The following TUBA1C variants were observed in gnomAD, a reference collection of about 807,000 sequenced individuals.
TUBA1C encodes tubulin alpha 1c.
Under a neutral mutation model 34.9 loss-of-function variants are expected in TUBA1C, and 16 were observed. The observed-to-expected ratio is 0.46, with a 90% CI of 0.31 to 0.70. The LOEUF (loss-of-function observed/expected upper bound fraction) is 0.70. Ranked by LOEUF, TUBA1C falls within the 30% of genes least tolerant of loss-of-function variation. TUBA1C has a pLI of 0.05. For missense variants in TUBA1C, 329 were observed against 587.3 expected, an observed-to-expected ratio of 0.56 and a Z score of 4.55; for synonymous variants, 177 against 215.9, an observed-to-expected ratio of 0.82 and a Z score of 1.58.
intron 3 of TUBA1C, 152 bp from the exon 4 acceptor site, chr12:49,272,101 T>TTGGGGC: frequency 7.3e-7 from 1 of 1,365,926 alleles, no homozygotes; most frequent in Non-Finnish European, 9.8e-7. Flanking sequence ...AAGTGTTGAT[T>TTGGGGC]ACAGGCGTGA....
intron 1 of TUBA1C, among the ~76,000 whole-genome samples, chr12:49,240,762 T>A (rs12305752): frequency 0.016 from 2,392 of 152,158 alleles, 75 homozygotes; most frequent in African/African-American, 0.054. Context: ...TAATTTTTTT[T>A]ATTATTATTT....
intron 1 of TUBA1C, among the ~76,000 whole-genome samples, chr12:49,240,036 AC>A (rs1942596540): frequency 3.1e-4 from 1 of 3,230 alleles, no homozygotes; most frequent in Non-Finnish European, 7.7e-4. Flanking sequence ...CAGAGCACAG[AC>A]ACACACACAC....
intron 3 of TUBA1C, among the ~76,000 whole-genome samples, chr12:49,271,846 CA>C (rs1431185735): frequency 6.6e-6 from 1 of 152,254 alleles, no homozygotes; most frequent in African/African-American, 2.4e-5. Context: ...GCCCTGTATG[CA>C]AGCCCAGGCC....
upstream of TUBA1C, among the ~76,000 whole-genome samples, chr12:49,261,208 C>A (rs1481217609): frequency 6.7e-6 from 1 of 149,638 alleles, no homozygotes; most frequent in Non-Finnish European, 1.5e-5. Context: ...CCAGCCTGGG[C>A]AACACAGCGA....
chr12:49,245,845 T>C (rs1020980050), intron 1 of TUBA1C, among the ~76,000 whole-genome samples: 2 of 152,234 alleles, frequency 1.3e-5, no homozygotes, highest in African/African-American at 4.8e-5. Context: ...AGCATCTTCC[T>C]GTCTAAACTT....
chr12:49,270,204 C>G (rs753804628), intron 3 of TUBA1C: 1 of 853,798 alleles, frequency 1.2e-6, no homozygotes, highest in Non-Finnish European at 1.8e-6. Flanking sequence ...AGCTGAGACA[C>G]CCCTTTTGAG....
chr12:49,269,589 G>T lies in TUBA1C; in HGVS notation c.128G>T (p.Gly43Val), dbSNP rs139215369. ...DGQMPSDKTI[G>V]GGDDSFNTFF... ...CAGATGCCAAGTGACAAGACCATTGGGGGAGGAGATGATTCCTTCAACACC... is the reference window on the plus strand; with the variant it reads ...CAGATGCCAAGTGACAAGACCATTGTGGGAGGAGATGATTCCTTCAACACC... Residue 43 changes from glycine to valine, a missense_variant, in exon 2 of 4, where the codon GGG becomes GTG. Gly to Val is a moderately radical substitution (Grantham distance 109). Around this residue, in one of 4 missense-constraint regions of TUBA1C, gnomAD observed 152 missense variants for 240.3 expected, o/e 0.63. Coordinates refer to ENST00000301072, the MANE Select transcript of TUBA1C (RefSeq NM_032704.5). The T allele has an allele frequency of 1.7e-5, 28 of 1,614,194 alleles. No individual in the cohort carries two copies. Among genetic ancestry groups the T allele is most frequent in the South Asian group, 6.6e-5 (6 of 91,082 alleles).
chr12:49,258,810 G>A (rs916969508), intron 1 of TUBA1C, among the ~76,000 whole-genome samples: 1 of 151,342 alleles, frequency 6.6e-6, no homozygotes, highest in African/African-American at 2.4e-5. Context: ...AGGCTGGAGT[G>A]CAATGGCACA....
At chr12:49,270,355 CAAG>C (rs1942974853) in intron 3 of TUBA1C, among the ~76,000 whole-genome samples, 2 of 152,324 alleles carry the variant, frequency 1.3e-5, no homozygotes, top group East Asian at 1.9e-4. Context: ...GTCACACTGA[CAAG>C]AAACAGCCAA....
chr12:49,266,880 A>T (rs73306263), intron 1 of TUBA1C, among the ~76,000 whole-genome samples: 2,724 of 152,310 alleles, frequency 0.018, 81 homozygotes, highest in African/African-American at 0.062. Flanking sequence ...ATGTAAATAC[A>T]TGTATATGTC....
At chr12:49,235,751 AT>A (rs1358025831) in intron 1 of TUBA1C, among the ~76,000 whole-genome samples, 7 of 151,276 alleles carry the variant, frequency 4.6e-5, no homozygotes, top group Non-Finnish European at 7.4e-5. Context: ...AAAAAAAAAA[AT>A]CTTACATAGT....
intron 1 of TUBA1C, among the ~76,000 whole-genome samples, chr12:49,267,015 A>G (rs1025396899): frequency 6.6e-6 from 1 of 152,170 alleles, no homozygotes; most frequent in African/African-American, 2.4e-5. Flanking sequence ...TTAGGTGAAC[A>G]CTGGTTAAAT....
Position 49,255,811 on chromosome 12 carries a change from C to T in TUBA1C, c.214-13654C>T, listed in dbSNP as rs573424228. On this transcript the variant is annotated intron_variant, in intron 1 of 3. Transcript: ENST00000541364. ...GAACTCCTGACATCACGTGATCCGC[C>T]GGCCTCAGTCTCCCAAAGTGCTGGG... 2.4e-4 allele frequency among the ~76,000 whole-genome samples: 37 copies of T among 152,224 alleles called. No homozygotes were observed. The South Asian group carries it at 6.0e-3, about 25-fold the overall frequency.
rs769073127 is a variant in TUBA1C at position 49,273,325 on chromosome 12, C to G, written c.*98C>G. 1.9e-6 allele frequency: 3 copies of G among 1,602,098 alleles called. No homozygotes were observed. Among genetic ancestry groups the G allele is most frequent in the Non-Finnish European group, 2.6e-6 (3 of 1,172,674 alleles). On this transcript the variant is annotated 3_prime_UTR_variant, in exon 4 of 4. Coordinates refer to ENST00000301072, the MANE Select transcript of TUBA1C (RefSeq NM_032704.5). Reference sequence around the variant, plus strand: ...TAAATTGTTAATAAAATTGAAGTTTCCATTTTAAATGTCGAGCTGACTTAA... The same window carrying G: ...TAAATTGTTAATAAAATTGAAGTTTGCATTTTAAATGTCGAGCTGACTTAA...
chr12:49,249,268 A>T (rs1942708212), intron 1 of TUBA1C, among the ~76,000 whole-genome samples: 1 of 151,928 alleles, frequency 6.6e-6, no homozygotes, highest in Admixed American at 6.6e-5. Context: ...TCTCCACTAA[A>T]AATACAAAAT....
intron 3 of TUBA1C, among the ~76,000 whole-genome samples, chr12:49,270,957 C>T (rs1033548326): frequency 2.6e-5 from 4 of 151,848 alleles, no homozygotes; most frequent in African/African-American, 4.8e-5. Flanking sequence ...CCAGCCTGGG[C>T]GACAGAGTGA....
intron 1 of TUBA1C, among the ~76,000 whole-genome samples, chr12:49,259,168 G>T (rs887776084): frequency 6.6e-6 from 1 of 151,996 alleles, no homozygotes; most frequent in Non-Finnish European, 1.5e-5. Flanking sequence ...GCCCTATATA[G>T]GTGTGCCATC....
intron 1 of TUBA1C, among the ~76,000 whole-genome samples, chr12:49,242,860 A>G (rs145750723): frequency 1.3e-5 from 2 of 151,942 alleles, no homozygotes; most frequent in East Asian, 1.9e-4. Flanking sequence ...CTGCAGTGCA[A>G]TGGTGTGATC....
At chr12:49,251,769 G>T (rs1483106214) in intron 1 of TUBA1C, among the ~76,000 whole-genome samples, 1 of 147,902 alleles carries the variant, frequency 6.8e-6, no homozygotes, top group Non-Finnish European at 1.5e-5. Flanking sequence ...GCGAGACTCG[G>T]TATTTAAAAA....
Sources: allele counts gnomAD v4.1 joint callset (sites outside exome capture counted in the v4.1 genomes callset), GRCh38; gene constraint gnomAD v4.1.1; regional missense constraint gnomAD v4.1.1; transcripts MANE v1.5; gene names NCBI Gene and HGNC (gene_info 2026-07-23, HGNC 2026-07-21).